RTF2: variants seen among roughly 807,000 people sequenced by gnomAD.
The protein encoded by RTF2 is UPF0549 protein C20orf43.
RTF2 carries 18 observed loss-of-function variants against 38.0 expected under a neutral mutation model. That is an observed-to-expected ratio of 0.47 (90% confidence interval 0.33 to 0.70). The LOEUF (loss-of-function observed/expected upper bound fraction) is 0.70, where lower values mean the gene tolerates loss of function less well. Among genes scored for constraint, RTF2 ranks in the 30% least tolerant of loss-of-function variants. The probability of loss-of-function intolerance (pLI) is 0.02; values close to 1 mark genes in which losing one functional copy is unlikely to be tolerated. For missense variants in RTF2, 311 were observed against 379.6 expected (o/e 0.82, Z 1.50); for synonymous variants, 126 against 137.1 (o/e 0.92, Z 0.57).
At position 56,518,262 on chromosome 20, in the gene RTF2, C is replaced by T. The variant is rs1363667659; in HGVS notation, c.918C>T (p.Phe306=). The T allele has an allele frequency of 6.2e-7, 1 of 1,610,544 alleles. No individual in the cohort carries two copies. Among genetic ancestry groups the T allele is most frequent in the Admixed American group, 1.7e-5 (1 of 58,988 alleles). Residue 306 remains phenylalanine, a synonymous_variant, in exon 9 of 9, where the codon TTC becomes TTT. Transcript: ENST00000357348. ...GGGTCACCCACACGTCCTACTGCTT[C>T]TGAAGCCCGCACTGCCACCGCTCCT... ...AHWVTHTSYC[F]
chr20:56,489,221 A>AT (rs11481363), intron 5 of RTF2, among the ~76,000 whole-genome samples: 58,412 of 136,454 alleles, frequency 0.43, 13,286 homozygotes, highest in East Asian at 0.92. Flanking sequence ...ATGCCTGGTT[A>AT]TTTTTTTTTT....
intron 1 of RTF2, 30 bp downstream of exon 1, chr20:56,468,796 C>CG: frequency 6.5e-7 from 1 of 1,544,646 alleles, no homozygotes; most frequent in Non-Finnish European, 8.8e-7. Context: ...TCTTGGCGAC[C>CG]GGGGGTGGTG....
chr20:56,485,250 G>A (rs141732422), intron 5 of RTF2, among the ~76,000 whole-genome samples: 1,973 of 152,342 alleles, frequency 0.013, 56 homozygotes, highest in African/African-American at 0.045. Flanking sequence ...GGAGCCAGCT[G>A]TGCACAGCCT....
At position 56,484,197 on chromosome 20, in the gene RTF2, C is replaced by G; in HGVS notation, c.477+8C>G. ...GCGGAAGTTTGCCACACGGTGAGTT[C>G]CTGACATGTACCATTTGTTCCTTCT... On this transcript the variant is annotated splice_region_variant and intron_variant, in intron 5 of 8. Transcript: ENST00000357348. The G allele has an allele frequency of 1.2e-6, 2 of 1,607,190 alleles. No homozygotes were observed. Among genetic ancestry groups the G allele is most frequent in the Non-Finnish European group, 8.5e-7 (1 of 1,173,670 alleles).
At chr20:56,475,338 A>T (rs1459651074) in intron 3 of RTF2, among the ~76,000 whole-genome samples, 1 of 152,166 alleles carries the variant, frequency 6.6e-6, no homozygotes, top group Non-Finnish European at 1.5e-5. Context: ...TAAATGACTC[A>T]CTTGAGGCCC....
chr20:56,476,295 TAGTC>T (rs775275776), intron 3 of RTF2, among the ~76,000 whole-genome samples: 31 of 152,302 alleles, frequency 2.0e-4, no homozygotes, highest in East Asian at 3.9e-4. Flanking sequence ...TAAATGTAGA[TAGTC>T]AGTAACATGA....
At chr20:56,497,650 A>G (rs372666696) in intron 5 of RTF2, 125 of 1,221,122 alleles carry the variant, frequency 1.0e-4, no homozygotes, top group Middle Eastern at 2.3e-4. Flanking sequence ...TAATTTAAGT[A>G]TTTTTTCCTT....
rs1390812350 is a variant in RTF2, at chr20:56,519,044, G to A, written c.*779G>A. 6.6e-6 allele frequency: 1 copy of A among 152,180 alleles called. No individual in the cohort carries two copies. Among genetic ancestry groups the A allele is most frequent in the Non-Finnish European group, 1.5e-5 (1 of 68,048 alleles). 9.4% of individuals were successfully genotyped at this position (152,180 alleles called of 1,614,324 possible). On this transcript the variant is annotated 3_prime_UTR_variant, in exon 9 of 9. Coordinates refer to ENST00000357348, the MANE Select transcript of RTF2 (RefSeq NM_016407.5). ...GGGAGAATCGTACCCAAAAAGAGGT[G>A]CATTTTATCTGCCTATAAGTTGTGT...
chr20:56,495,202 CT>C, intron 5 of RTF2: 2 of 1,546,154 alleles, frequency 1.3e-6, no homozygotes, highest in Non-Finnish European at 1.8e-6. Context: ...TTCTTTTTAC[CT>C]TTACATCCAT....
intron 5 of RTF2, among the ~76,000 whole-genome samples, chr20:56,511,373 C>G (rs1413474177): frequency 6.6e-6 from 1 of 152,060 alleles, no homozygotes; most frequent in Admixed American, 6.6e-5. Context: ...TTATGAGACT[C>G]TAATGCCTGA....
intron 5 of RTF2, among the ~76,000 whole-genome samples, chr20:56,498,628 T>A (rs1983715282): frequency 6.6e-6 from 1 of 152,204 alleles, no homozygotes; most frequent in Non-Finnish European, 1.5e-5. Flanking sequence ...CATGAATAGG[T>A]GTAGCAATAG....
At chr20:56,484,312 A>G in intron 5 of RTF2, 123 bp downstream of exon 5, 2 of 814,386 alleles carry the variant, frequency 2.5e-6, no homozygotes, top group Non-Finnish European at 4.1e-6. Flanking sequence ...TTCTGCTTCC[A>G]TGGCTCTTGG....
intron 1 of RTF2, 33 bp downstream of exon 1, chr20:56,468,799 G>T: frequency 1.3e-6 from 2 of 1,542,738 alleles, no homozygotes; most frequent in Non-Finnish European, 1.8e-6. Context: ...TGGCGACCGG[G>T]GGTGGTGGGA....
intron 5 of RTF2, chr20:56,491,879 T>A (rs545651433): frequency 1.1e-5 from 9 of 845,264 alleles, no homozygotes; most frequent in Non-Finnish European, 1.7e-5. Context: ...GTGTCAGTGG[T>A]GAGCCTCAGC....
At chr20:56,507,484 A>G (rs1043474048) in intron 5 of RTF2, among the ~76,000 whole-genome samples, 4 of 152,160 alleles carry the variant, frequency 2.6e-5, no homozygotes, top group Admixed American at 6.5e-5. Flanking sequence ...AGATTACTCA[A>G]TTTCTAATGT....
At chr20:56,501,006 A>T (rs759156919) in intron 5 of RTF2, among the ~76,000 whole-genome samples, 28 of 152,174 alleles carry the variant, frequency 1.8e-4, no homozygotes, top group Non-Finnish European at 3.2e-4. Context: ...AAATTGATAC[A>T]TAATAATTAT....
At chr20:56,516,869 A>T (rs1214677210) in intron 6 of RTF2, 66 bp from the exon 7 acceptor site, 1 of 1,461,880 alleles carries the variant, frequency 6.8e-7, no homozygotes. Flanking sequence ...GACAATGGGC[A>T]GCCACACTGA....
rs966210281 is a variant in RTF2, at chr20:56,495,177, T to C, written c.477+10988T>C. ...TTGTTGTAAAATTTGAAGCCTTTTT[T>C]GTTTTGTTTTGTTTTTCTTTTTACC... On this transcript the variant is annotated intron_variant, in intron 5 of 8. Coordinates refer to ENST00000357348, the MANE Select transcript of RTF2 (RefSeq NM_016407.5). 1.4e-5 allele frequency: 21 copies of C among 1,500,306 alleles called. No individual in the cohort carries two copies. In the African/African-American group the frequency reaches 2.6e-4, roughly 19 times the overall value. 92.9% of individuals were successfully genotyped at this position (1,500,306 alleles called of 1,614,324 possible). A position where few individuals can be genotyped will look rare whatever the true frequency, so the allele number is the denominator to read the frequency against.
chr20:56,492,891 A>G (rs1332110713), intron 5 of RTF2, among the ~76,000 whole-genome samples: 1 of 150,776 alleles, frequency 6.6e-6, no homozygotes, highest in Non-Finnish European at 1.5e-5. Context: ...AAAAAAACGT[A>G]TCTTGGCTGG....
Sources: gnomAD v4.1 joint callset for allele counts (sites outside exome capture counted in the v4.1 genomes callset) on GRCh38, gnomAD v4.1.1 for gene constraint, MANE v1.5 for transcripts, NCBI Gene and HGNC (gene_info 2026-07-23, HGNC 2026-07-21) for gene names.